The following TNRC6A variants were observed in gnomAD, a reference collection of about 807,000 sequenced individuals.
The protein encoded by TNRC6A is trinucleotide repeat containing adaptor 6A.
TNRC6A carries 44 observed loss-of-function variants against 221.2 expected under a neutral mutation model. The ratio of observed to expected loss-of-function variants is 0.20; its 90% CI spans 0.16 to 0.26. The LOEUF (loss-of-function observed/expected upper bound fraction) is 0.26. Among genes scored for constraint, TNRC6A ranks in the 10% least tolerant of loss-of-function variants. The pLI, the probability that TNRC6A is intolerant of heterozygous loss-of-function variation, is 1.00. For missense variants in TNRC6A, 2,199 were observed against 2,404.4 expected, an observed-to-expected ratio of 0.91 and a Z score of 1.79; for synonymous variants, 847 against 838.5, an observed-to-expected ratio of 1.01 and a Z score of -0.18.
At chr16:24,781,161 C>T (rs543680810) in intron 5 of TNRC6A, among the ~76,000 whole-genome samples, 2 of 145,100 alleles carry the variant, frequency 1.4e-5, no homozygotes, top group Admixed American at 1.4e-4. Flanking sequence ...TCAAGTAATC[C>T]TCCCACCTCA....
intron 1 of TNRC6A, among the ~76,000 whole-genome samples, chr16:24,625,667 A>C (rs1900931610): frequency 6.8e-6 from 1 of 146,898 alleles, no homozygotes; most frequent in African/African-American, 2.5e-5. Flanking sequence ...CGGAGCTTGC[A>C]GTGAGCCGAG....
intron 9 of TNRC6A, 136 bp from the exon 10 acceptor site, chr16:24,797,354 G>T: frequency 1.7e-6 from 1 of 593,732 alleles, no homozygotes; most frequent in Non-Finnish European, 2.9e-6. Context: ...TAACAACTCT[G>T]ATAAGAGTTG....
chr16:24,616,294 C>A (rs1900339365), intron 1 of TNRC6A, among the ~76,000 whole-genome samples: 1 of 146,268 alleles, frequency 6.8e-6, no homozygotes, highest in Non-Finnish European at 1.5e-5. Flanking sequence ...CCACTGCACT[C>A]CAGCCTGGGA....
chr16:24,710,254 A>G (rs66620840), intron 2 of TNRC6A, among the ~76,000 whole-genome samples: 14,362 of 151,820 alleles, frequency 0.095, 989 homozygotes, highest in East Asian at 0.26. Flanking sequence ...GTAAACACAA[A>G]CTAACATAAA....
chr16:24,700,419 A>G (rs2055948768), intron 2 of TNRC6A, among the ~76,000 whole-genome samples: 1 of 152,036 alleles, frequency 6.6e-6, no homozygotes, highest in Non-Finnish European at 1.5e-5. Flanking sequence ...TATTTTTAGT[A>G]GAGACAGGTT....
rs74248725 is a variant in TNRC6A at position 24,740,275 on chromosome 16, A to G, written c.53+9975A>G. ...TAATTATTAAAAAAAAATTTTTTTA[A>G]AGATTGCATTGACTATTCTGGTTGC... On this transcript the variant is annotated intron_variant, in intron 2 of 24. Transcript: ENST00000395799. 9.3e-4 allele frequency among the ~76,000 whole-genome samples: 142 copies of G among 152,332 alleles called. 3 individuals are homozygous for G. The East Asian group carries it at 0.025, about 27-fold the overall frequency.
At chr16:24,810,541 G>A (rs1016192353) in intron 18 of TNRC6A, among the ~76,000 whole-genome samples, 2 of 152,148 alleles carry the variant, frequency 1.3e-5, no homozygotes, top group African/African-American at 4.8e-5. Flanking sequence ...GGTGTGGTGG[G>A]TCTAGAAAGG....
intron 5 of TNRC6A, among the ~76,000 whole-genome samples, chr16:24,781,246 A>T (rs1299134616): frequency 6.6e-6 from 1 of 151,522 alleles, no homozygotes; most frequent in Non-Finnish European, 1.5e-5. Flanking sequence ...TTTTGTAGAG[A>T]TGGGGTTTTG....
chr16:24,792,613 C>CTTTTTTT (rs34670934), intron 6 of TNRC6A, among the ~76,000 whole-genome samples: 755 of 56,608 alleles, frequency 0.013, 33 homozygotes, highest in Middle Eastern at 0.048. Context: ...ACATTTATGG[C>CTTTTTTT]TTTTTTTTTT....
At chr16:24,657,358 A>G (rs1373323641) in intron 2 of TNRC6A, among the ~76,000 whole-genome samples, 1 of 151,322 alleles carries the variant, frequency 6.6e-6, no homozygotes, top group Non-Finnish European at 1.5e-5. Context: ...AAACAAAGAA[A>G]CAAACAAACA....
At chr16:24,796,059 C>A in intron 9 of TNRC6A, 120 bp downstream of exon 9, 2 of 1,057,248 alleles carry the variant, frequency 1.9e-6, no homozygotes, top group South Asian at 2.8e-5. Context: ...GCTGGGGATT[C>A]AAATACACTA....
chr16:24,653,419 G>C (rs751410663), intron 2 of TNRC6A, among the ~76,000 whole-genome samples: 3 of 152,138 alleles, frequency 2.0e-5, no homozygotes, highest in Non-Finnish European at 4.4e-5. Flanking sequence ...AAAAAAGTGG[G>C]GGTGATCTAA....
At chr16:24,631,456 T>G (rs905984401) in intron 1 of TNRC6A, among the ~76,000 whole-genome samples, 6 of 152,168 alleles carry the variant, frequency 3.9e-5, no homozygotes, top group Admixed American at 2.6e-4. Context: ...CCTAATTCTC[T>G]TCCCACTTAT....
chr16:24,777,380 G>A (rs762025332), intron 5 of TNRC6A, 22 bp downstream of exon 5: 29 of 1,592,872 alleles, frequency 1.8e-5, no homozygotes, highest in Middle Eastern at 1.7e-4. Context: ...CATTTCTTAC[G>A]AGACTCACAC....
chr16:24,806,908 C>G lies in TNRC6A; in HGVS notation c.4540+124C>G, dbSNP rs549320474. On this transcript the variant is annotated intron_variant, in intron 17 of 24. Transcript: ENST00000395799. ...TACATTGATCTCTTAGCTGTTCCCT[C>G]TCAGAGAGTTGCCATCCCCTCTCCT... is the stretch of plus-strand genomic sequence containing the variant. 376 of 916,278 alleles carry G rather than the reference C, an allele frequency of 4.1e-4. 2 individuals carry two copies. The African/African-American group carries it at 5.5e-3, about 13-fold the overall frequency. 56.8% of individuals were successfully genotyped at this position (916,278 alleles called of 1,614,324 possible). A position where few individuals can be genotyped will look rare whatever the true frequency, so the allele number is the denominator to read the frequency against.
At chr16:24,767,160 G>C (rs1245738011) in intron 4 of TNRC6A, among the ~76,000 whole-genome samples, 1 of 152,188 alleles carries the variant, frequency 6.6e-6, no homozygotes. Context: ...AAGTCATTCT[G>C]AGGATGAGAT....
intron 5 of TNRC6A, among the ~76,000 whole-genome samples, chr16:24,784,310 T>C (rs1308124697): frequency 6.6e-6 from 1 of 152,070 alleles, no homozygotes; most frequent in African/African-American, 2.4e-5. Context: ...CCAACACTTT[T>C]TATTGATTTT....
chr16:24,698,912 G>A (rs1025906207), intron 2 of TNRC6A, among the ~76,000 whole-genome samples: 1 of 152,112 alleles, frequency 6.6e-6, no homozygotes, highest in Admixed American at 6.6e-5. Context: ...GTTTCACTAT[G>A]TTGGCCAGGC....
At chr16:24,660,380 C>T (rs925734129) in intron 2 of TNRC6A, among the ~76,000 whole-genome samples, 1 of 152,088 alleles carries the variant, frequency 6.6e-6, no homozygotes, top group Non-Finnish European at 1.5e-5. Context: ...GTCTCCAATC[C>T]CATTCAGGTT....
Sources: allele counts gnomAD v4.1 joint callset (sites outside exome capture counted in the v4.1 genomes callset), GRCh38; gene constraint gnomAD v4.1.1; transcripts MANE v1.5; gene names NCBI Gene and HGNC (gene_info 2026-07-23, HGNC 2026-07-21).